Variants in TKTL1 observed in about 807,000 individuals in gnomAD.
TKTL1 encodes transketolase like 1.
In TKTL1, 1 loss-of-function variant was observed where a neutral mutation model predicts 39.3. That is an observed-to-expected ratio of 0.03 (90% CI 0.01 to 0.12). The LOEUF (loss-of-function observed/expected upper bound fraction) is 0.12, where lower values mean the gene tolerates loss of function less well. TKTL1 is among the 10% of genes least tolerant of loss of function. The pLI, the probability that TKTL1 is intolerant of heterozygous loss-of-function variation, is 1.00. For missense variants in TKTL1, 575 were observed against 509.6 expected (o/e 1.13, Z -1.24); for synonymous variants, 262 against 193.8 (o/e 1.35, Z -2.92).
chrX:154,308,745 G>A (rs782359441), intron 2 of TKTL1, among the ~76,000 whole-genome samples: 44 of 109,885 alleles, frequency 4.0e-4, no homozygotes, highest in South Asian at 1.2e-3. Context: ...CCCTGTGCCT[G>A]CAAACAGGAT....
chrX:154,329,845 T>C lies in TKTL1; in HGVS notation c.*157T>C. On this transcript the variant is annotated 3_prime_UTR_variant, in exon 13 of 13. Transcript: ENST00000369915. ...AGTTCGGAAATTCAAGCTAACTACT[T>C]ACCCTTTAAACTGTCACTGCATATG... 1 of 571,377 alleles carries C rather than the reference T, an allele frequency of 1.8e-6. No individual in the cohort carries two copies. Among genetic ancestry groups the C allele is most frequent in the Non-Finnish European group, 2.7e-6 (1 of 369,123 alleles). The allele number at this position is 571,377 out of a possible 1,213,427, so 47.1% of individuals were successfully genotyped here.
intron 2 of TKTL1, among the ~76,000 whole-genome samples, chrX:154,307,763 C>T (rs2067326389): frequency 8.9e-6 from 1 of 112,361 alleles, no homozygotes; most frequent in South Asian, 3.6e-4. Context: ...CTTCCAAGGG[C>T]ATGCAAGGCG....
At chrX:154,320,414 G>C (rs1163027441) in intron 7 of TKTL1, 1 of 259,924 alleles carries the variant, frequency 3.8e-6, no homozygotes, top group Non-Finnish European at 6.9e-6. Context: ...CACAAGAGGG[G>C]AGGAGGAGCT....
At chrX:154,322,499 C>G (rs1365343479) in intron 8 of TKTL1, among the ~76,000 whole-genome samples, 3 of 111,079 alleles carry the variant, frequency 2.7e-5, no homozygotes, top group Non-Finnish European at 5.7e-5. Flanking sequence ...CTAGTGCGCT[C>G]AAGCCTGGGC....
At chrX:154,301,377 C>T (rs1228159356) in intron 1 of TKTL1, among the ~76,000 whole-genome samples, 5 of 109,924 alleles carry the variant, frequency 4.5e-5, no homozygotes, top group Admixed American at 9.7e-5. Context: ...ATTAGCCGGG[C>T]GTGGTGGTGC....
chrX:154,309,614 G>A (rs1459597949), intron 3 of TKTL1, among the ~76,000 whole-genome samples, 172 bp downstream of exon 3: 7 of 110,801 alleles, frequency 6.3e-5, no homozygotes, highest in Non-Finnish European at 9.5e-5. Context: ...TCCCCACCTC[G>A]GGCGGCTGCC....
At chrX:154,322,229 C>CAAAAAAA (rs34229834) in intron 8 of TKTL1, among the ~76,000 whole-genome samples, 1 of 41,855 alleles carries the variant, frequency 2.4e-5, no homozygotes. Flanking sequence ...GAGGCTTTGT[C>CAAAAAAA]AAAAAAAAAA....
chrX:154,297,477 C>G (rs1490415551), intron 1 of TKTL1, among the ~76,000 whole-genome samples: 1 of 110,745 alleles, frequency 9.0e-6, no homozygotes, highest in Non-Finnish European at 1.9e-5. Flanking sequence ...AGGATGGTCT[C>G]GATCTCCTGA....
intron 10 of TKTL1, chrX:154,327,272 G>A (rs2067500129): frequency 4.6e-6 from 2 of 430,899 alleles, no homozygotes; most frequent in African/African-American, 4.9e-5. Flanking sequence ...TTAGCACTCA[G>A]CGTGTTGCCA....
At chrX:154,301,859 C>T (rs1036130435) in intron 1 of TKTL1, among the ~76,000 whole-genome samples, 2 of 107,832 alleles carry the variant, frequency 1.9e-5, no homozygotes, top group Non-Finnish European at 3.8e-5. Context: ...TCCCAAGATG[C>T]TGGGATTACA....
At chrX:154,317,268 T>C (rs2067408588) in intron 7 of TKTL1, among the ~76,000 whole-genome samples, 1 of 111,886 alleles carries the variant, frequency 8.9e-6, no homozygotes, top group Non-Finnish European at 1.9e-5. Flanking sequence ...TTTAGTGCCA[T>C]GTTGAAAGAG....
intron 2 of TKTL1, 143 bp downstream of exon 2, chrX:154,305,564 T>C: frequency 2.7e-6 from 2 of 749,965 alleles, no homozygotes; most frequent in South Asian, 6.0e-5. Flanking sequence ...GCTCGAGTGT[T>C]CTAGTGAGGG....
At chrX:154,319,936 A>G (rs1342747856) in intron 7 of TKTL1, among the ~76,000 whole-genome samples, 3 of 111,390 alleles carry the variant, frequency 2.7e-5, no homozygotes, top group Admixed American at 1.9e-4. Context: ...ACTTCTGGGG[A>G]AGGGGGGTAA....
intron 9 of TKTL1, among the ~76,000 whole-genome samples, chrX:154,324,027 G>A (rs1436246599): frequency 8.9e-6 from 1 of 112,794 alleles, no homozygotes; most frequent in African/African-American, 3.2e-5. Context: ...AGTCGGGATG[G>A]GGACTGTATG....
chrX:154,301,424 G>A (rs1456492503), intron 1 of TKTL1, among the ~76,000 whole-genome samples: 1 of 111,088 alleles, frequency 9.0e-6, no homozygotes, highest in Non-Finnish European at 1.9e-5. Flanking sequence ...GGCCGAGGCA[G>A]GAAAATCACT....
intron 1 of TKTL1, among the ~76,000 whole-genome samples, 176 bp downstream of exon 1, chrX:154,296,169 G>C (rs1270042366): frequency 9.0e-6 from 1 of 111,297 alleles, no homozygotes; most frequent in African/African-American, 3.3e-5. Flanking sequence ...TGGCAGCGAG[G>C]CACTATTCCC....
intron 2 of TKTL1, among the ~76,000 whole-genome samples, chrX:154,309,026 C>G (rs782322378): frequency 9.0e-6 from 1 of 111,054 alleles, no homozygotes. Context: ...TCCCAAAGCT[C>G]CAGCCACCCT....
chrX:154,312,724 T>A lies in TKTL1; in HGVS notation c.815T>A (p.Ile272Asn). 2 of 1,211,197 alleles carry A rather than the reference T, an allele frequency of 1.7e-6. No individual in the cohort carries two copies. Among genetic ancestry groups the A allele is most frequent in the Non-Finnish European group, 2.2e-6 (2 of 895,242 alleles). ...PPIEDSPEVN[I>N]TDVRMTSPPD... Reference sequence around the variant, plus strand: ...ATTGAGGACTCACCTGAAGTCAACATCACAGATGTAAGGATGACCTCTCCA... The same window carrying A: ...ATTGAGGACTCACCTGAAGTCAACAACACAGATGTAAGGATGACCTCTCCA... Residue 272 changes from isoleucine (I) to asparagine (N), a missense_variant, in exon 6 of 13, where the codon ATC (isoleucine) becomes AAC (asparagine). Ile to Asn is a moderately radical substitution (Grantham distance 149). Coordinates refer to ENST00000369915, the MANE Select transcript of TKTL1 (RefSeq NM_012253.4).
At chrX:154,314,204 T>G (rs1454811163) in intron 6 of TKTL1, among the ~76,000 whole-genome samples, 1 of 111,531 alleles carries the variant, frequency 9.0e-6, no homozygotes, top group Non-Finnish European at 1.9e-5. Flanking sequence ...CTAAACTGTT[T>G]CAAATTTTTC....
Sources: gnomAD v4.1 joint callset for allele counts (sites outside exome capture counted in the v4.1 genomes callset) on GRCh38, gnomAD v4.1.1 for gene constraint, MANE v1.5 for transcripts, NCBI Gene and HGNC (gene_info 2026-07-23, HGNC 2026-07-21) for gene names.